The following FAM171A1 variants were observed in gnomAD, a reference collection of about 807,000 sequenced individuals.
FAM171A1 encodes the protein family with sequence similarity 171 member A1.
A neutral mutation model predicts 74.9 loss-of-function variants in FAM171A1; 23 were observed. The observed-to-expected ratio is 0.31, with a 90% CI of 0.22 to 0.44. FAM171A1 has a LOEUF of 0.44. Among genes scored for constraint, FAM171A1 ranks in the 20% least tolerant of loss-of-function variants. The pLI is 1.00. For synonymous variants in FAM171A1, 527 were observed against 505.7 expected, an observed-to-expected ratio of 1.04 and a Z score of -0.57; for missense variants, 1,162 against 1,159.2, an observed-to-expected ratio of 1.00 and a Z score of -0.03.
At position 15,212,679 on chromosome 10, in the gene FAM171A1, G is replaced by A; in HGVS notation, c.*236C>T. 3 of 592,324 alleles carry A rather than the reference G, an allele frequency of 5.1e-6. No homozygotes were observed. Among genetic ancestry groups the A allele is most frequent in the South Asian group, 4.2e-5 (2 of 47,400 alleles). The allele number at this position is 592,324 out of a possible 1,614,324, so 36.7% of individuals were successfully genotyped here. A position where few individuals can be genotyped will look rare whatever the true frequency, so the allele number is the denominator to read the frequency against. On this transcript the variant is annotated 3_prime_UTR_variant, in exon 8 of 8. Transcript: ENST00000378116. ...CGCCGAGTCCTCGGAAGGACATCTGGACACCACTTTCAGCCACCTCCTTGC... is the reference window on the plus strand; with the variant it reads ...CGCCGAGTCCTCGGAAGGACATCTGAACACCACTTTCAGCCACCTCCTTGC...
chr10:15,240,835 T>G lies in FAM171A1; in HGVS notation c.754+7804A>C, dbSNP rs1156840132. 6 of 635,586 alleles carry G rather than the reference T, an allele frequency of 9.4e-6. No individual in the cohort carries two copies. The South Asian group carries it at 4.2e-4, about 44-fold the overall frequency. 39.4% of individuals were successfully genotyped at this position (635,586 alleles called of 1,614,324 possible). ...TGGGAGGATCACTTGAGGGCAGGAGTCTGAGACCAGTCTGGGCAACACAGC... is the reference window on the plus strand; with the variant it reads ...TGGGAGGATCACTTGAGGGCAGGAGGCTGAGACCAGTCTGGGCAACACAGC... On this transcript the variant is annotated intron_variant, in intron 5 of 7. Coordinates refer to ENST00000378116, the MANE Select transcript of FAM171A1 (RefSeq NM_001010924.2).
intron 1 of FAM171A1, among the ~76,000 whole-genome samples, chr10:15,354,304 T>C (rs1835909974): frequency 6.6e-6 from 1 of 152,120 alleles, no homozygotes; most frequent in South Asian, 2.1e-4. Context: ...GAAACCAGCC[T>C]GGCCAACATG....
intron 1 of FAM171A1, among the ~76,000 whole-genome samples, chr10:15,302,915 G>A (rs1319266237): frequency 2.0e-5 from 3 of 152,186 alleles, no homozygotes; most frequent in East Asian, 1.9e-4. Flanking sequence ...AAGGCCGGGC[G>A]CGGTGGCTCA....
chr10:15,352,735 C>T (rs1835893545), intron 1 of FAM171A1, among the ~76,000 whole-genome samples: 1 of 152,178 alleles, frequency 6.6e-6, no homozygotes, highest in Non-Finnish European at 1.5e-5. Context: ...GCACAAGAAT[C>T]AATTCTAAAG....
At chr10:15,348,719 T>C (rs1272248693) in intron 1 of FAM171A1, among the ~76,000 whole-genome samples, 16 of 152,170 alleles carry the variant, frequency 1.1e-4, no homozygotes, top group Admixed American at 1.0e-3. Context: ...AATTTGAATC[T>C]GCATTTAACA....
At chr10:15,265,028 A>C (rs1199125744) in intron 3 of FAM171A1, among the ~76,000 whole-genome samples, 1 of 152,184 alleles carries the variant, frequency 6.6e-6, no homozygotes, top group African/African-American at 2.4e-5. Flanking sequence ...CTCAGGAAGC[A>C]GGGCACATTT....
intron 1 of FAM171A1, among the ~76,000 whole-genome samples, chr10:15,335,910 T>A (rs1436342372): frequency 6.6e-6 from 1 of 152,202 alleles, no homozygotes; most frequent in Non-Finnish European, 1.5e-5. Flanking sequence ...CTCATTTTTA[T>A]CTTCTACCTA....
At chr10:15,223,007 A>G (rs1480745180) in intron 5 of FAM171A1, among the ~76,000 whole-genome samples, 1 of 152,166 alleles carries the variant, frequency 6.6e-6, no homozygotes, top group Non-Finnish European at 1.5e-5. Context: ...CTACAGGACT[A>G]TTGTACAAGG....
In FAM171A1 at chr10:15,275,734, G is replaced by A. The variant is rs373625814; in HGVS notation, c.418+121C>T. 7.2e-6 allele frequency: 4 copies of A among 558,822 alleles called. No individual in the cohort carries two copies. In the African/African-American group the frequency reaches 7.6e-5, roughly 11 times the overall value. 34.6% of individuals were successfully genotyped at this position (558,822 alleles called of 1,614,324 possible). On this transcript the variant is annotated intron_variant, in intron 3 of 7. Transcript: ENST00000378116. ...ATAGACAAGTTAATGATGGGTTAAT[G>A]TGTTTGATTTAATCAATCCACCTTG...
intron 7 of FAM171A1, among the ~76,000 whole-genome samples, 155 bp downstream of exon 7, chr10:15,215,841 C>G (rs1036444728): frequency 6.6e-6 from 1 of 151,962 alleles, no homozygotes; most frequent in African/African-American, 2.4e-5. Flanking sequence ...CAACTTAGAT[C>G]ACAAATGTGA....
intron 3 of FAM171A1, among the ~76,000 whole-genome samples, chr10:15,275,210 C>T (rs1329908170): frequency 6.6e-6 from 1 of 152,010 alleles, no homozygotes; most frequent in Non-Finnish European, 1.5e-5. Flanking sequence ...ATGTAACAAA[C>T]CTGCATGTTG....
chr10:15,306,854 T>G (rs1406307321), intron 1 of FAM171A1, among the ~76,000 whole-genome samples: 2 of 152,218 alleles, frequency 1.3e-5, no homozygotes, highest in Admixed American at 1.3e-4. Context: ...CCTATCCACC[T>G]TCTCACCGGA....
intron 2 of FAM171A1, among the ~76,000 whole-genome samples, chr10:15,278,576 G>A (rs995087385): frequency 6.6e-6 from 1 of 152,186 alleles, no homozygotes; most frequent in African/African-American, 2.4e-5. Flanking sequence ...CTCATGAAAG[G>A]GAAGGTGCTA....
chr10:15,266,165 G>T (rs970052917), intron 3 of FAM171A1, among the ~76,000 whole-genome samples: 6 of 152,196 alleles, frequency 3.9e-5, no homozygotes, highest in Admixed American at 3.9e-4. Flanking sequence ...GCTCACAGAA[G>T]GCCTGGCACA....
At chr10:15,287,726 C>T (rs1051659685) in intron 1 of FAM171A1, among the ~76,000 whole-genome samples, 2 of 152,130 alleles carry the variant, frequency 1.3e-5, no homozygotes, top group African/African-American at 4.8e-5. Flanking sequence ...TCCTCTGTGT[C>T]CCCAAGTAGT....
chr10:15,273,112 T>C (rs983950318), intron 3 of FAM171A1, among the ~76,000 whole-genome samples: 1 of 152,002 alleles, frequency 6.6e-6, no homozygotes, highest in African/African-American at 2.4e-5. Flanking sequence ...AGCTGGTTTT[T>C]TGAAAAGATC....
At chr10:15,256,357 G>A (rs892205209) in intron 3 of FAM171A1, among the ~76,000 whole-genome samples, 7 of 152,146 alleles carry the variant, frequency 4.6e-5, no homozygotes, top group Non-Finnish European at 8.8e-5. Context: ...GACTTATGTC[G>A]GGGGCAGCCT....
intron 2 of FAM171A1, among the ~76,000 whole-genome samples, chr10:15,276,587 G>T (rs1588528386): frequency 2.0e-5 from 3 of 152,336 alleles, no homozygotes; most frequent in Non-Finnish European, 2.9e-5. Flanking sequence ...TTAACATTAA[G>T]AATGGCTTTA....
intron 5 of FAM171A1, among the ~76,000 whole-genome samples, chr10:15,247,876 G>T (rs1184052099): frequency 6.6e-6 from 1 of 152,174 alleles, no homozygotes; most frequent in African/African-American, 2.4e-5. Context: ...AGGAGGTAAG[G>T]CCTCTGGTCA....
Sources: allele counts gnomAD v4.1 joint callset (sites outside exome capture counted in the v4.1 genomes callset), GRCh38; gene constraint gnomAD v4.1.1; transcripts MANE v1.5; gene names NCBI Gene and HGNC (gene_info 2026-07-23, HGNC 2026-07-21).